POU6F2: variants seen among roughly 807,000 people sequenced by gnomAD.
POU6F2 encodes POU class 6 homeobox 2.
Under a neutral mutation model 71.3 loss-of-function variants are expected in POU6F2, and 31 were observed. The observed-to-expected ratio is 0.43, with a 90% confidence interval of 0.33 to 0.59. POU6F2 has a LOEUF of 0.59. Ranked by LOEUF, POU6F2 falls within the 20% of genes least tolerant of loss-of-function variation. The pLI is 0.04. For missense variants in POU6F2, 783 were observed against 856.8 expected (o/e 0.91, Z 1.07); for synonymous variants, 347 against 355.7 (o/e 0.98, Z 0.27).
At chr7:39,417,282 T>C (rs1583585969) in intron 6 of POU6F2, among the ~76,000 whole-genome samples, 1 of 152,174 alleles carries the variant, frequency 6.6e-6, no homozygotes, top group South Asian at 2.1e-4. Flanking sequence ...GCTGTTGACA[T>C]GATGAATACT....
rs569098432 is a variant in POU6F2, at chr7:39,270,803, C to A, written c.598+63183C>A. Among the ~76,000 whole-genome samples the A allele has an allele frequency of 9.9e-5, 15 of 152,282 alleles. No individual in the cohort carries two copies. In the South Asian group the frequency reaches 3.1e-3, roughly 32 times the overall value. ...GATGGATAGAAACCCTCCTAGATTA[C>A]AGAATCAAACCACCAATATTCTGGC... On this transcript the variant is annotated intron_variant, in intron 4 of 9. Transcript: ENST00000518318.
At chr7:39,315,613 G>T (rs1473429359) in intron 4 of POU6F2, among the ~76,000 whole-genome samples, 1 of 152,194 alleles carries the variant, frequency 6.6e-6, no homozygotes, top group Non-Finnish European at 1.5e-5. Context: ...CTAGAGCAGG[G>T]CAGCTCTGCT....
At chr7:39,260,979 A>G (rs556137076) in intron 4 of POU6F2, among the ~76,000 whole-genome samples, 3 of 151,076 alleles carry the variant, frequency 2.0e-5, no homozygotes, top group African/African-American at 7.3e-5. Flanking sequence ...ACCACCATTC[A>G]TATCACACAC....
At chr7:39,240,446 C>T (rs949831837) in intron 4 of POU6F2, among the ~76,000 whole-genome samples, 1 of 152,024 alleles carries the variant, frequency 6.6e-6, no homozygotes, top group African/African-American at 2.4e-5. Context: ...ATCGAAAGGG[C>T]CTTATAAATG....
chr7:39,046,171 C>A (rs750695865), intron 1 of POU6F2, among the ~76,000 whole-genome samples: 1 of 151,870 alleles, frequency 6.6e-6, no homozygotes, highest in Non-Finnish European at 1.5e-5. Context: ...ATTGTGGTAT[C>A]TCATTGTGGT....
At chr7:38,998,262 G>T (rs148830066) in intron 1 of POU6F2, among the ~76,000 whole-genome samples, 3 of 152,078 alleles carry the variant, frequency 2.0e-5, no homozygotes, top group Non-Finnish European at 4.4e-5. Flanking sequence ...CCTAGACCTT[G>T]CAAGTTCCCA....
intron 2 of POU6F2, among the ~76,000 whole-genome samples, chr7:39,166,144 T>C (rs1793111865): frequency 6.6e-6 from 1 of 152,196 alleles, no homozygotes; most frequent in African/African-American, 2.4e-5. Flanking sequence ...AAACAAGATA[T>C]TTCACCAATA....
At chr7:39,115,821 A>G (rs1419096713) in intron 2 of POU6F2, among the ~76,000 whole-genome samples, 1 of 151,768 alleles carries the variant, frequency 6.6e-6, no homozygotes, top group Admixed American at 6.6e-5. Flanking sequence ...TTTTTTTTTT[A>G]AAGACATGCT....
chr7:39,293,517 T>C (rs1315535194), intron 4 of POU6F2, among the ~76,000 whole-genome samples: 1 of 152,214 alleles, frequency 6.6e-6, no homozygotes, highest in African/African-American at 2.4e-5. Flanking sequence ...GTCCGGCTCT[T>C]CCTTTGGCTT....
intron 1 of POU6F2, among the ~76,000 whole-genome samples, chr7:39,033,165 C>T (rs1291974529): frequency 6.6e-6 from 1 of 152,216 alleles, no homozygotes; most frequent in African/African-American, 2.4e-5. Flanking sequence ...ATACACTATA[C>T]ATCAATGATC....
chr7:39,141,046 G>T (rs748217372), intron 2 of POU6F2, among the ~76,000 whole-genome samples: 1 of 152,080 alleles, frequency 6.6e-6, no homozygotes, highest in South Asian at 2.1e-4. Context: ...AAGTTATTCC[G>T]AGCACTCCCT....
chr7:39,173,432 T>C lies in POU6F2; in HGVS notation c.278-30803T>C, dbSNP rs75854728. On this transcript the variant is annotated intron_variant, in intron 2 of 9. Transcript: ENST00000518318. The stretch of plus-strand genomic sequence containing the variant: ...TAGTCATAGTAACTATTGGGTAGAG[T>C]TGCTGTAGAGTTTGATGAGATAATC... Among the ~76,000 whole-genome samples, 409 of 152,274 alleles carry C rather than the reference T, an allele frequency of 2.7e-3. 9 individuals carry two copies. In the East Asian group the frequency reaches 0.064, roughly 24 times the overall value.
At chr7:39,310,432 C>T (rs1785140902) in intron 4 of POU6F2, among the ~76,000 whole-genome samples, 1 of 152,048 alleles carries the variant, frequency 6.6e-6, no homozygotes, top group African/African-American at 2.4e-5. Flanking sequence ...GAGATTGTCC[C>T]CTAGAAGCAC....
chr7:39,281,211 A>G (rs765133506), intron 4 of POU6F2, among the ~76,000 whole-genome samples: 2 of 152,120 alleles, frequency 1.3e-5, no homozygotes, highest in African/African-American at 4.8e-5. Flanking sequence ...GTATAGTGTG[A>G]TGTCTTGATA....
intron 4 of POU6F2, among the ~76,000 whole-genome samples, chr7:39,287,868 C>T (rs1293649562): frequency 8.0e-6 from 1 of 124,664 alleles, no homozygotes; most frequent in Non-Finnish European, 1.8e-5. Context: ...CTGGCCTTGA[C>T]GGTATACGCA....
intron 5 of POU6F2, among the ~76,000 whole-genome samples, chr7:39,347,495 G>A (rs1335683341): frequency 2.0e-5 from 3 of 152,146 alleles, no homozygotes; most frequent in African/African-American, 4.8e-5. Context: ...TCTCAGAGCT[G>A]TGGAGCTCCA....
chr7:39,421,165 G>T (rs1410922374), intron 6 of POU6F2, among the ~76,000 whole-genome samples: 1 of 152,022 alleles, frequency 6.6e-6, no homozygotes, highest in African/African-American at 2.4e-5. Context: ...AAACTCATCA[G>T]CGTAATTCTT....
In POU6F2 at chr7:39,272,936, G is replaced by C. The variant is rs373056711; in HGVS notation, c.598+65316G>C. ...CACTGCCCTCCTTCCAGAATTCCTT[G>C]ATAATGAGGATGAAAAGACAACTTT... On this transcript the variant is annotated intron_variant, in intron 4 of 9. Transcript: ENST00000518318. Among the ~76,000 whole-genome samples the C allele has an allele frequency of 3.3e-5, 5 of 152,220 alleles. No homozygotes were observed. The East Asian group carries it at 5.8e-4, about 18-fold the overall frequency.
At chr7:39,402,233 G>A (rs1394346048) in intron 5 of POU6F2, among the ~76,000 whole-genome samples, 1 of 152,118 alleles carries the variant, frequency 6.6e-6, no homozygotes, top group Non-Finnish European at 1.5e-5. Flanking sequence ...TGCTCCCTAG[G>A]GAGACTTTAT....
Sources: gnomAD v4.1 joint callset for allele counts (sites outside exome capture counted in the v4.1 genomes callset) on GRCh38, gnomAD v4.1.1 for gene constraint, MANE v1.5 for transcripts, NCBI Gene and HGNC (gene_info 2026-07-23, HGNC 2026-07-21) for gene names.